GRID2: variants seen among roughly 807,000 people sequenced by gnomAD.
GRID2 encodes the protein glutamate ionotropic receptor delta type subunit 2, also known as glutamate receptor ionotropic, delta-2.
In GRID2, 33 loss-of-function variants were observed where a neutral mutation model predicts 114.8. That is an observed-to-expected ratio of 0.29 (90% CI 0.22 to 0.38). The LOEUF (loss-of-function observed/expected upper bound fraction) is 0.38. Among genes scored for constraint, GRID2 ranks in the 10% least tolerant of loss-of-function variants. GRID2 has a pLI of 1.00. For missense variants in GRID2, 1,184 were observed against 1,257.7 expected, an observed-to-expected ratio of 0.94 and a Z score of 0.89; for synonymous variants, 505 against 449.9, an observed-to-expected ratio of 1.12 and a Z score of -1.55.
At chr4:93,543,285 A>AG (rs1297830722) in intron 13 of GRID2, among the ~76,000 whole-genome samples, 4 of 152,184 alleles carry the variant, frequency 2.6e-5, no homozygotes, top group African/African-American at 9.7e-5. Context: ...AAGAAAGGAG[A>AG]GAAAAAAAAT....
intron 2 of GRID2, among the ~76,000 whole-genome samples, chr4:92,727,066 A>G (rs2149321443): frequency 6.6e-6 from 1 of 152,210 alleles, no homozygotes; most frequent in South Asian, 2.1e-4. Context: ...CTAGTTATCT[A>G]ATAACATATC....
intron 1 of GRID2, among the ~76,000 whole-genome samples, chr4:92,383,610 G>A (rs868791678): frequency 7.9e-5 from 12 of 151,688 alleles, no homozygotes; most frequent in Non-Finnish European, 1.0e-4. Context: ...GTATGTTTTC[G>A]GATCCTTTGT....
chr4:93,224,460 G>A (rs979124855), intron 6 of GRID2, among the ~76,000 whole-genome samples, 154 bp from the exon 7 acceptor site: 1 of 152,044 alleles, frequency 6.6e-6, no homozygotes, highest in Non-Finnish European at 1.5e-5. Context: ...TGACAAAATT[G>A]CCCAGGAAAT....
chr4:93,146,784 A>C (rs896352726), intron 4 of GRID2, among the ~76,000 whole-genome samples: 1 of 152,132 alleles, frequency 6.6e-6, no homozygotes, highest in African/African-American at 2.4e-5. Flanking sequence ...TTCAGCTACT[A>C]TGCTTTTCAT....
chr4:93,372,392 T>A (rs563274778), intron 8 of GRID2, among the ~76,000 whole-genome samples: 8 of 152,132 alleles, frequency 5.3e-5, no homozygotes, highest in Non-Finnish European at 1.2e-4. Flanking sequence ...ATTATTATTC[T>A]ACCTCTTCAC....
At chr4:92,667,886 C>T (rs993726787) in intron 2 of GRID2, among the ~76,000 whole-genome samples, 1 of 151,708 alleles carries the variant, frequency 6.6e-6, no homozygotes, top group Non-Finnish European at 1.5e-5. Context: ...ATATTTAGTT[C>T]CAGTTCCTGC....
At chr4:93,107,586 T>TG (rs1732365910) in intron 3 of GRID2, among the ~76,000 whole-genome samples, 1 of 152,170 alleles carries the variant, frequency 6.6e-6, no homozygotes, top group South Asian at 2.1e-4. Context: ...TCACCCATGT[T>TG]GGAGTGCAGT....
chr4:93,349,270 C>T (rs1760552724), intron 8 of GRID2, among the ~76,000 whole-genome samples: 1 of 151,990 alleles, frequency 6.6e-6, no homozygotes, highest in Admixed American at 6.6e-5. Context: ...CGTAGTTTGC[C>T]ATCTACTCCA....
intron 2 of GRID2, among the ~76,000 whole-genome samples, chr4:92,891,891 C>G (rs1234939342): frequency 1.3e-5 from 2 of 152,152 alleles, no homozygotes; most frequent in Admixed American, 1.3e-4. Flanking sequence ...AGTTCTGTGT[C>G]AAATATTCTT....
intron 1 of GRID2, among the ~76,000 whole-genome samples, chr4:93,783,879 C>T (rs965391191): frequency 9.9e-5 from 15 of 151,164 alleles, no homozygotes; most frequent in Admixed American, 1.3e-4. Context: ...GAGACCATCC[C>T]GGCTAAAACG....
intron 9 of GRID2, among the ~76,000 whole-genome samples, chr4:93,398,123 A>ATGTGTGTGTGTGTG (rs151125359): frequency 2.4e-3 from 314 of 131,298 alleles, no homozygotes; most frequent in African/African-American, 6.2e-3. Context: ...ACATACATGT[A>ATGTGTGTGTGTGTG]TGTGTGTGTG....
At chr4:92,495,584 C>T (rs1723348229) in intron 1 of GRID2, among the ~76,000 whole-genome samples, 1 of 151,646 alleles carries the variant, frequency 6.6e-6, no homozygotes, top group African/African-American at 2.4e-5. Context: ...GAAATGTAGG[C>T]AAGATTGAAT....
At chr4:93,453,569 A>G (rs1172907249) in intron 10 of GRID2, among the ~76,000 whole-genome samples, 1 of 152,158 alleles carries the variant, frequency 6.6e-6, no homozygotes, top group Non-Finnish European at 1.5e-5. Flanking sequence ...CTAAATAAAA[A>G]ACTTTAGCTA....
intron 13 of GRID2, among the ~76,000 whole-genome samples, chr4:93,622,032 G>A (rs1742259203): frequency 6.6e-6 from 1 of 152,148 alleles, no homozygotes; most frequent in African/African-American, 2.4e-5. Flanking sequence ...TAAAGAAGCT[G>A]CCAGGGGATC....
chr4:93,165,273 G>T (rs971312577), intron 4 of GRID2, among the ~76,000 whole-genome samples: 8 of 152,086 alleles, frequency 5.3e-5, no homozygotes, highest in Non-Finnish European at 1.0e-4. Flanking sequence ...GTCATAGTAG[G>T]TTGTTGTTCT....
chr4:92,831,659 G>T (rs1742110755), intron 2 of GRID2, among the ~76,000 whole-genome samples: 1 of 151,956 alleles, frequency 6.6e-6, no homozygotes, highest in Non-Finnish European at 1.5e-5. Context: ...TTTGTGAACA[G>T]CCTGGACAAC....
In GRID2 at chr4:92,684,346, T is replaced by G. The variant is rs1373857768; in HGVS notation, c.244+94060T>G. On this transcript the variant is annotated intron_variant, in intron 2 of 15. Coordinates refer to ENST00000282020, the MANE Select transcript of GRID2 (RefSeq NM_001510.4). The stretch of plus-strand genomic sequence containing the variant: ...TTCTTGGATTTTTTTTTACTATTAG[T>G]TAAACATAATTTTACTATAATGGAA... Among the ~76,000 whole-genome samples, 4 of 151,982 alleles carry G rather than the reference T, an allele frequency of 2.6e-5. No individual in the cohort carries two copies. The East Asian group carries it at 7.7e-4, about 29-fold the overall frequency.
chr4:92,437,562 C>T (rs1732795710), intron 1 of GRID2, among the ~76,000 whole-genome samples: 1 of 152,192 alleles, frequency 6.6e-6, no homozygotes, highest in African/African-American at 2.4e-5. Flanking sequence ...AGCTACTGGG[C>T]CCAGCTGACT....
At chr4:93,347,199 T>G (rs1760326028) in intron 8 of GRID2, among the ~76,000 whole-genome samples, 1 of 152,054 alleles carries the variant, frequency 6.6e-6, no homozygotes, top group Non-Finnish European at 1.5e-5. Context: ...TATGTTGTAC[T>G]ATTTCAGAAT....
Sources: allele counts gnomAD v4.1 joint callset (sites outside exome capture counted in the v4.1 genomes callset), GRCh38; gene constraint gnomAD v4.1.1; transcripts MANE v1.5; gene names NCBI Gene and HGNC (gene_info 2026-07-23, HGNC 2026-07-21).